BACH2: variants seen among roughly 807,000 people sequenced by gnomAD.
BACH2 encodes BACH transcriptional regulator 2, also known as transcription regulator protein BACH2.
In BACH2, 5 loss-of-function variants were observed where a neutral mutation model predicts 61.8. The observed-to-expected ratio is 0.08, with a 90% confidence interval of 0.04 to 0.17. BACH2 has a LOEUF of 0.17. BACH2 is among the 10% of genes least tolerant of loss of function. The pLI is 1.00. For missense variants in BACH2, 824 were observed against 1,091.1 expected (o/e 0.76, Z 3.45); for synonymous variants, 446 against 440.1 (o/e 1.01, Z -0.17).
rs558543886 is a variant in BACH2 at position 90,196,010 on chromosome 6, C to A, written c.-162+10559G>T. Among the ~76,000 whole-genome samples the A allele has an allele frequency of 1.1e-4, 17 of 152,294 alleles. No homozygotes were observed. In the South Asian group the frequency reaches 3.5e-3, roughly 32 times the overall value. On this transcript the variant is annotated intron_variant, in intron 4 of 8. Transcript: ENST00000257749. ...TTCCTACCTTGTTAGATAGGTAGAA[C>A]AATCCTCAGTTTGCAAATAAAGAAA...
At chr6:90,027,481 T>C (rs776778716) in intron 5 of BACH2, among the ~76,000 whole-genome samples, 4 of 152,230 alleles carry the variant, frequency 2.6e-5, no homozygotes, top group African/African-American at 7.2e-5. Context: ...AAGAGATTTT[T>C]TTTTAATTCA....
intron 6 of BACH2, among the ~76,000 whole-genome samples, chr6:89,973,748 C>T (rs963919314): frequency 2.0e-5 from 3 of 151,946 alleles, no homozygotes; most frequent in Non-Finnish European, 4.4e-5. Context: ...CTTATTCTCT[C>T]GGTGTCTCAA....
At chr6:90,064,288 C>T (rs1361357289) in intron 5 of BACH2, among the ~76,000 whole-genome samples, 1 of 152,140 alleles carries the variant, frequency 6.6e-6, no homozygotes, top group Non-Finnish European at 1.5e-5. Flanking sequence ...GGGGTGGCAC[C>T]TGGCCTGGCC....
chr6:90,035,286 G>A (rs1260059547), intron 5 of BACH2, among the ~76,000 whole-genome samples: 4 of 152,016 alleles, frequency 2.6e-5, no homozygotes, highest in Non-Finnish European at 5.9e-5. Flanking sequence ...TACTCACTCT[G>A]CTCTGCTTGC....
chr6:90,229,304 CA>C (rs1226612868), intron 3 of BACH2, among the ~76,000 whole-genome samples: 1 of 152,128 alleles, frequency 6.6e-6, no homozygotes, highest in Non-Finnish European at 1.5e-5. Flanking sequence ...ACTAAAAATA[CA>C]AAAAATTAGC....
Position 89,981,404 on chromosome 6 carries a change from G to T in BACH2, c.243+27198C>A, listed in dbSNP as rs182764640. Among the ~76,000 whole-genome samples the T allele has an allele frequency of 3.3e-3, 495 of 152,220 alleles. 4 individuals are homozygous for T. The highest frequency in any genetic ancestry group is 0.011 in the African/African-American group (476 of 41,528). ...GATTTGCCCGCCTCGGCCTCCCAAA[G>T]TGCTGGGATTACAGGAGTGAGCCAC... On this transcript the variant is annotated intron_variant, in intron 6 of 8. Coordinates refer to ENST00000257749, the MANE Select transcript of BACH2 (RefSeq NM_021813.4).
chr6:90,135,273 T>C (rs1168835440), intron 4 of BACH2, among the ~76,000 whole-genome samples: 6 of 152,334 alleles, frequency 3.9e-5, no homozygotes, highest in Middle Eastern at 3.4e-3. Context: ...TGTTCCCTCC[T>C]TGTTACCTAC....
At chr6:90,018,238 G>A (rs903661275) in intron 5 of BACH2, among the ~76,000 whole-genome samples, 3 of 152,188 alleles carry the variant, frequency 2.0e-5, no homozygotes, top group Admixed American at 1.3e-4. Context: ...ATATTAAAGG[G>A]AAACTCTCTG....
At chr6:90,247,019 GA>G (rs897487876) in intron 3 of BACH2, among the ~76,000 whole-genome samples, 89 of 149,844 alleles carry the variant, frequency 5.9e-4, no homozygotes, top group Middle Eastern at 3.4e-3. Flanking sequence ...TTACAAATGT[GA>G]AAAAAAAACC....
intron 3 of BACH2, among the ~76,000 whole-genome samples, chr6:90,213,617 T>C (rs924617763): frequency 1.3e-5 from 2 of 152,180 alleles, no homozygotes. Context: ...TCTCTCTCAG[T>C]CTCTGTTCCT....
chr6:89,975,276 T>C (rs1310080828), intron 6 of BACH2, among the ~76,000 whole-genome samples: 1 of 152,252 alleles, frequency 6.6e-6, no homozygotes, highest in Admixed American at 6.5e-5. Context: ...ATATTGTATT[T>C]CTACTTGCTA....
chr6:90,143,393 C>T (rs545070922), intron 4 of BACH2, among the ~76,000 whole-genome samples: 139 of 152,260 alleles, frequency 9.1e-4, no homozygotes, highest in Admixed American at 1.4e-3. Flanking sequence ...GGTTGTGCAA[C>T]GCTGGGCAAG....
intron 3 of BACH2, among the ~76,000 whole-genome samples, chr6:90,238,227 C>T (rs1281050665): frequency 3.3e-5 from 5 of 152,094 alleles, no homozygotes; most frequent in African/African-American, 7.2e-5. Context: ...ATCGATCGAT[C>T]GATCATCTAT....
intron 6 of BACH2, among the ~76,000 whole-genome samples, chr6:89,977,788 G>T (rs1229296782): frequency 1.3e-5 from 2 of 152,194 alleles, no homozygotes; most frequent in Non-Finnish European, 1.5e-5. Context: ...AGCAGTGTCA[G>T]TAAATAGAGC....
intron 4 of BACH2, among the ~76,000 whole-genome samples, chr6:90,136,888 T>C (rs1166547130): frequency 6.6e-6 from 1 of 151,768 alleles, no homozygotes; most frequent in Admixed American, 6.6e-5. Context: ...ACAAGGAAAT[T>C]AGCATGTGAG....
At chr6:89,997,030 C>CACAT (rs1491352190) in intron 6 of BACH2, among the ~76,000 whole-genome samples, 4 of 140,066 alleles carry the variant, frequency 2.9e-5, no homozygotes, top group African/African-American at 1.0e-4. Flanking sequence ...CACACACACA[C>CACAT]ATGCATGCTC....
intron 4 of BACH2, among the ~76,000 whole-genome samples, chr6:90,166,505 C>T (rs138985733): frequency 0.011 from 1,745 of 152,300 alleles, 24 homozygotes; most frequent in African/African-American, 0.039. Flanking sequence ...GGCGATTCCT[C>T]AGGGATCCAG....
intron 8 of BACH2, among the ~76,000 whole-genome samples, chr6:89,933,278 G>A (rs748355062): frequency 6.6e-6 from 1 of 152,120 alleles, no homozygotes. Context: ...AATGTATCAG[G>A]TTGCCATTTT....
chr6:90,240,611 C>T (rs1162959934), intron 3 of BACH2, among the ~76,000 whole-genome samples: 1 of 152,162 alleles, frequency 6.6e-6, no homozygotes, highest in African/African-American at 2.4e-5. Flanking sequence ...AGATGTACTT[C>T]AAAATCTTAA....
Sources: allele counts gnomAD v4.1 joint callset (sites outside exome capture counted in the v4.1 genomes callset), GRCh38; gene constraint gnomAD v4.1.1; transcripts MANE v1.5; gene names NCBI Gene and HGNC (gene_info 2026-07-23, HGNC 2026-07-21).